The following ARHGAP21 variants were observed in gnomAD, a reference collection of about 807,000 sequenced individuals.
ARHGAP21 encodes rho GTPase-activating protein 21.
In ARHGAP21, 38 loss-of-function variants were observed where a neutral mutation model predicts 164.6. The observed-to-expected ratio is 0.23, with a 90% confidence interval of 0.18 to 0.30. The LOEUF is 0.30. Among genes scored for constraint, ARHGAP21 ranks in the 10% least tolerant of loss-of-function variants. The probability of loss-of-function intolerance (pLI) is 1.00; values close to 1 mark genes in which losing one functional copy is unlikely to be tolerated. For missense variants in ARHGAP21, 1,822 were observed against 2,370.7 expected (o/e 0.77, Z 4.81); for synonymous variants, 766 against 857.9 (o/e 0.89, Z 1.87).
intron 4 of ARHGAP21, among the ~76,000 whole-genome samples, chr10:24,636,897 T>C (rs1166766494): frequency 6.6e-6 from 1 of 152,232 alleles, no homozygotes; most frequent in African/African-American, 2.4e-5. Flanking sequence ...TTTATTTGCT[T>C]ACATGTTTGT....
chr10:24,620,352 T>C lies in ARHGAP21; in HGVS notation c.1543A>G (p.Ile515Val), dbSNP rs1337457282. ...TTTTTCTCTCCATTGGAATCAGGTA[T>C]TGGAGTTCCAGAATTGACATTTTCT... ...TLENVNSGTP[I>V]PDSNGEKKQT... The change falls in exon 9 of 26, where the codon ATA (isoleucine) becomes GTA (valine). Residue 515 changes from isoleucine (I) to valine (V), a missense_variant. Physicochemically the swap from Ile to Val is conservative, Grantham distance 29. This residue lies in a region of ARHGAP21 where 1,090 missense variants were observed against 1,378.9 expected (regional missense o/e 0.79). Coordinates refer to ENST00000396432, the MANE Select transcript of ARHGAP21 (RefSeq NM_020824.4). The C allele has an allele frequency of 6.2e-6, 10 of 1,613,792 alleles. No individual in the cohort carries two copies. Among genetic ancestry groups the C allele is most frequent in the African/African-American group, 2.7e-5 (2 of 74,908 alleles).
In ARHGAP21 at chr10:24,719,098, T is replaced by TACACACACACAC. The variant is rs57863565; in HGVS notation, c.63+2727_63+2738dup. On this transcript the variant is annotated intron_variant, in intron 2 of 25. Transcript: ENST00000396432. ...ATTGGTGTCAGAAGACTTCACGGACTACACACACACACACACACACACACA... is the reference window on the plus strand; with the variant it reads ...ATTGGTGTCAGAAGACTTCACGGACTACACACACACACACACACACACACACACACACACACA... 2.6e-3 allele frequency among the ~76,000 whole-genome samples: 388 copies of TACACACACACAC among 147,608 alleles called. 3 individuals carry two copies. The highest frequency in any genetic ancestry group is 8.9e-3 in the African/African-American group (354 of 39,672).
intron 2 of ARHGAP21, among the ~76,000 whole-genome samples, chr10:24,703,339 C>T (rs897065828): frequency 4.6e-5 from 7 of 152,082 alleles, no homozygotes; most frequent in African/African-American, 7.2e-5. Context: ...ACTTAGAATA[C>T]GCTAATAATA....
chr10:24,713,409 A>G (rs767721386), intron 2 of ARHGAP21, among the ~76,000 whole-genome samples: 13 of 152,232 alleles, frequency 8.5e-5, no homozygotes, highest in Non-Finnish European at 1.6e-4. Flanking sequence ...GGAAAAGTAA[A>G]TAAAGTCTTT....
chr10:24,636,575 G>A (rs1836409661), intron 4 of ARHGAP21, among the ~76,000 whole-genome samples: 1 of 152,206 alleles, frequency 6.6e-6, no homozygotes, highest in African/African-American at 2.4e-5. Flanking sequence ...CAAATACAAA[G>A]AGTTCATAAT....
chr10:24,708,014 T>C (rs1447393157), intron 2 of ARHGAP21, among the ~76,000 whole-genome samples: 1 of 152,200 alleles, frequency 6.6e-6, no homozygotes, highest in African/African-American at 2.4e-5. Flanking sequence ...ACTTGTTTTA[T>C]AGGATGCAGA....
chr10:24,638,866 GT>G (rs1836679008), intron 4 of ARHGAP21, among the ~76,000 whole-genome samples: 1 of 152,120 alleles, frequency 6.6e-6, no homozygotes, highest in Non-Finnish European at 1.5e-5. Flanking sequence ...CCCATTTTAT[GT>G]TATAATATAT....
At chr10:24,659,861 T>C (rs1401275512) in intron 4 of ARHGAP21, among the ~76,000 whole-genome samples, 1 of 152,204 alleles carries the variant, frequency 6.6e-6, no homozygotes, top group Admixed American at 6.5e-5. Flanking sequence ...GCCTGAGTTG[T>C]AGTCCAGTTC....
intron 14 of ARHGAP21, among the ~76,000 whole-genome samples, chr10:24,598,629 C>CT: frequency 6.6e-6 from 1 of 152,170 alleles, no homozygotes; most frequent in East Asian, 1.9e-4. Context: ...TAAAGTGATC[C>CT]TTTTTTTCCT....
intron 2 of ARHGAP21, among the ~76,000 whole-genome samples, chr10:24,676,439 CAGA>C: frequency 6.6e-6 from 1 of 152,252 alleles, no homozygotes; most frequent in Non-Finnish European, 1.5e-5. Context: ...CATTGTGGTT[CAGA>C]ACATAGGCTC....
chr10:24,721,468 C>T (rs1330276331), intron 2 of ARHGAP21, among the ~76,000 whole-genome samples: 1 of 152,164 alleles, frequency 6.6e-6, no homozygotes, highest in South Asian at 2.1e-4. Flanking sequence ...GAAAGCCACC[C>T]CCAACCAGCT....
intron 4 of ARHGAP21, among the ~76,000 whole-genome samples, chr10:24,655,700 C>CT (rs1424578150): frequency 7.1e-6 from 1 of 141,518 alleles, no homozygotes; most frequent in Non-Finnish European, 1.5e-5. Context: ...AGGAGCCCCT[C>CT]TGCCTGGCTG....
At chr10:24,590,541 A>G in intron 24 of ARHGAP21, 1 of 1,514,604 alleles carries the variant, frequency 6.6e-7, no homozygotes, top group East Asian at 2.5e-5. Context: ...CTTTAGGACT[A>G]AAACAAGAAC....
chr10:24,594,237 T>C (rs2076475186), intron 21 of ARHGAP21, among the ~76,000 whole-genome samples: 1 of 152,128 alleles, frequency 6.6e-6, no homozygotes, highest in Non-Finnish European at 1.5e-5. Context: ...ATTTAGGCAA[T>C]AATCATCAAA....
chr10:24,588,825 T>C (rs2076213814), intron 25 of ARHGAP21, among the ~76,000 whole-genome samples: 1 of 152,206 alleles, frequency 6.6e-6, no homozygotes, highest in Non-Finnish European at 1.5e-5. Context: ...AAAAAATTGG[T>C]ATTTCTGAAA....
chr10:24,613,371 T>C (rs2077348241), intron 9 of ARHGAP21, among the ~76,000 whole-genome samples: 2 of 152,172 alleles, frequency 1.3e-5, no homozygotes, highest in African/African-American at 4.8e-5. Flanking sequence ...TGGTGATGGG[T>C]GCCCATCACC....
At chr10:24,652,043 A>G (rs1001822616) in intron 4 of ARHGAP21, among the ~76,000 whole-genome samples, 24 of 152,210 alleles carry the variant, frequency 1.6e-4, no homozygotes, top group African/African-American at 5.3e-4. Context: ...CAGACAGTAA[A>G]TATTTTAGGC....
At chr10:24,711,352 C>T (rs1316663558) in intron 2 of ARHGAP21, among the ~76,000 whole-genome samples, 1 of 150,832 alleles carries the variant, frequency 6.6e-6, no homozygotes, top group African/African-American at 2.4e-5. Flanking sequence ...ACGAAAAGTT[C>T]ATACCAAAAA....
At chr10:24,610,842 T>A (rs1284780798) in intron 9 of ARHGAP21, among the ~76,000 whole-genome samples, 1 of 151,686 alleles carries the variant, frequency 6.6e-6, no homozygotes, top group African/African-American at 2.4e-5. Flanking sequence ...ACCACTAAAA[T>A]CACAGTGGAA....
Sources: allele counts gnomAD v4.1 joint callset (sites outside exome capture counted in the v4.1 genomes callset), GRCh38; gene constraint gnomAD v4.1.1; regional missense constraint gnomAD v4.1.1; transcripts MANE v1.5; gene names NCBI Gene and HGNC (gene_info 2026-07-23, HGNC 2026-07-21).